TSC22D2: variants seen among roughly 807,000 people sequenced by gnomAD.
TSC22D2 encodes the protein TSC22 domain family protein 2.
In TSC22D2, 5 loss-of-function variants were observed where a neutral mutation model predicts 50.1. That is an observed-to-expected ratio of 0.10 (90% confidence interval 0.05 to 0.21). TSC22D2 has a LOEUF of 0.21. TSC22D2 is among the 10% of genes least tolerant of loss of function. The pLI is 1.00. For missense variants in TSC22D2, 1,003 were observed against 1,015.5 expected, an observed-to-expected ratio of 0.99 and a Z score of 0.17; for synonymous variants, 501 against 450.1, an observed-to-expected ratio of 1.11 and a Z score of -1.43.
At chr3:150,452,893 AAGAATGATTCATAGT>A (rs1450638197) in intron 1 of TSC22D2, among the ~76,000 whole-genome samples, 5 of 152,218 alleles carry the variant, frequency 3.3e-5, no homozygotes, top group Non-Finnish European at 5.9e-5. Context: ...TTTTTATTCT[AAGAATGATTCATAGT>A]AAATAGAAAG....
At chr3:150,435,513 A>G (rs1002589165) in intron 1 of TSC22D2, among the ~76,000 whole-genome samples, 1 of 152,190 alleles carries the variant, frequency 6.6e-6, no homozygotes. Flanking sequence ...GCATTGGTTT[A>G]TCATGGCTAG....
chr3:150,444,325 T>C (rs1720811151), intron 1 of TSC22D2, among the ~76,000 whole-genome samples: 1 of 152,200 alleles, frequency 6.6e-6, no homozygotes, highest in South Asian at 2.1e-4. Context: ...AATTAGATAA[T>C]ATATTGTAAG....
intron 1 of TSC22D2, among the ~76,000 whole-genome samples, chr3:150,445,051 T>A (rs1024922367): frequency 5.3e-5 from 8 of 152,224 alleles, no homozygotes; most frequent in Middle Eastern, 3.4e-3. Flanking sequence ...TTTGGAAATT[T>A]TTATTTGAAT....
intron 1 of TSC22D2, among the ~76,000 whole-genome samples, chr3:150,434,505 A>G (rs1720475528): frequency 6.6e-6 from 1 of 152,190 alleles, no homozygotes; most frequent in South Asian, 2.1e-4. Flanking sequence ...TTTGAGTATT[A>G]TGTAACTGGC....
At position 150,410,041 on chromosome 3, in the gene TSC22D2, T is replaced by A. The variant is rs764541454; in HGVS notation, c.691T>A (p.Ser231Thr). ...TGGSVVVVVASMQGAHGPESG... is the reference protein window; with the variant it reads ...TGGSVVVVVATMQGAHGPESG... ...AGGGTCGGTGGTGGTAGTAGTGGCC[T>A]CCATGCAGGGGGCGCACGGGCCCGA... The change falls in exon 1 of 3, where the codon TCC becomes ACC. Residue 231 changes from serine to threonine, a missense_variant. This residue lies in a region of TSC22D2 where 696 missense variants were observed against 647.8 expected (regional missense o/e 1.07). Transcript: ENST00000688009. 1.2e-6 allele frequency: 2 copies of A among 1,613,226 alleles called. No individual in the cohort carries two copies. The highest frequency in any genetic ancestry group is 1.1e-5 in the South Asian group (1 of 91,072).
intron 1 of TSC22D2, among the ~76,000 whole-genome samples, chr3:150,415,692 A>T (rs1323697179): frequency 1.3e-5 from 2 of 152,116 alleles, no homozygotes; most frequent in Non-Finnish European, 1.5e-5. Flanking sequence ...GCCAACACCT[A>T]TAGTCTTAGC....
At chr3:150,456,732 A>G (rs1356803445) in intron 1 of TSC22D2, among the ~76,000 whole-genome samples, 3 of 152,232 alleles carry the variant, frequency 2.0e-5, no homozygotes, top group Non-Finnish European at 4.4e-5. Context: ...GTAGAAATTT[A>G]AGAGATACGG....
At chr3:150,441,436 G>A (rs931463442) in intron 1 of TSC22D2, among the ~76,000 whole-genome samples, 1 of 152,052 alleles carries the variant, frequency 6.6e-6, no homozygotes, top group Admixed American at 6.6e-5. Context: ...CAGACCATTT[G>A]GCAGGCTTTC....
intron 1 of TSC22D2, among the ~76,000 whole-genome samples, chr3:150,453,199 G>T (rs982045915): frequency 1.3e-5 from 2 of 152,140 alleles, no homozygotes; most frequent in Non-Finnish European, 2.9e-5. Flanking sequence ...TTGGAAACTG[G>T]TTAAACCATC....
rs894374762 is a variant in TSC22D2, at chr3:150,434,024, G to A, written c.1958+22716G>A. On this transcript the variant is annotated intron_variant, in intron 1 of 2. Coordinates refer to ENST00000688009, the MANE Select transcript of TSC22D2 (RefSeq NM_001303264.2). ...CACGAGGTAGAGGTTGCAGGGAGCC[G>A]AGATTGCACCACTGCGCTCCAGGGC... Among the ~76,000 whole-genome samples, 6 of 152,212 alleles carry A rather than the reference G, an allele frequency of 3.9e-5. No homozygotes were observed. In the East Asian group the frequency reaches 1.2e-3, roughly 29 times the overall value.
At chr3:150,415,422 A>G (rs1719764322) in intron 1 of TSC22D2, among the ~76,000 whole-genome samples, 2 of 152,212 alleles carry the variant, frequency 1.3e-5, no homozygotes, top group Admixed American at 6.5e-5. Context: ...CCTGAACTAA[A>G]TCACCTTTAT....
At chr3:150,451,548 T>G (rs564247825) in intron 1 of TSC22D2, among the ~76,000 whole-genome samples, 1 of 152,358 alleles carries the variant, frequency 6.6e-6, no homozygotes, top group Admixed American at 6.5e-5. Context: ...CACATAATTC[T>G]GGATTTATTT....
intron 1 of TSC22D2, among the ~76,000 whole-genome samples, chr3:150,456,564 A>T (rs554584202): frequency 1.2e-4 from 19 of 152,176 alleles, no homozygotes; most frequent in African/African-American, 3.6e-4. Flanking sequence ...AGTTTTTTTT[A>T]AAAAACTAGA....
intron 1 of TSC22D2, chr3:150,423,580 AAACTTT>A (rs1720083418): frequency 6.6e-6 from 1 of 152,228 alleles, no homozygotes; most frequent in South Asian, 2.1e-4. Flanking sequence ...TTTTGGCAAG[AAACTTT>A]AACTTCAAGT....
intron 1 of TSC22D2, among the ~76,000 whole-genome samples, chr3:150,442,009 A>T (rs375944821): frequency 6.6e-6 from 1 of 152,158 alleles, no homozygotes; most frequent in African/African-American, 2.4e-5. Context: ...TTGCCAGCCT[A>T]TCCATCTCTT....
rs1423059284 is a variant in TSC22D2 at position 150,458,921 on chromosome 3, T to C, written c.*285T>C. 1.0e-5 allele frequency: 3 copies of C among 294,342 alleles called. No individual in the cohort carries two copies. The highest frequency in any genetic ancestry group is 1.9e-5 in the Non-Finnish European group (3 of 158,724). 18.2% of individuals were successfully genotyped at this position (294,342 alleles called of 1,614,324 possible). A position where few individuals can be genotyped will look rare whatever the true frequency, so the allele number is the denominator to read the frequency against. ...ACCTGGTGCGCATGAGTGGGGTCTTTAAGAGTTTTGGTGGCTCTCCCATGT... is the reference window on the plus strand; with the variant it reads ...ACCTGGTGCGCATGAGTGGGGTCTTCAAGAGTTTTGGTGGCTCTCCCATGT... On this transcript the variant is annotated 3_prime_UTR_variant, in exon 3 of 3. Coordinates refer to ENST00000688009, the MANE Select transcript of TSC22D2 (RefSeq NM_001303264.2).
intron 2 of TSC22D2, among the ~76,000 whole-genome samples, 168 bp from the exon 3 acceptor site, chr3:150,458,208 T>G (rs1244370094): frequency 6.6e-6 from 1 of 152,112 alleles, no homozygotes; most frequent in African/African-American, 2.4e-5. Context: ...GGTTGGGAAC[T>G]GGATTTTTTC....
chr3:150,429,750 G>A (rs947922768), intron 1 of TSC22D2, among the ~76,000 whole-genome samples: 1 of 152,090 alleles, frequency 6.6e-6, no homozygotes. Flanking sequence ...TAAAGTATTA[G>A]ATGCCTGGTC....
intron 1 of TSC22D2, among the ~76,000 whole-genome samples, chr3:150,454,219 T>TA (rs1721123616): frequency 6.6e-6 from 1 of 152,140 alleles, no homozygotes; most frequent in Non-Finnish European, 1.5e-5. Context: ...AGGTCTAAGA[T>TA]AGCCAGATGA....
Sources: gnomAD v4.1 joint callset for allele counts (sites outside exome capture counted in the v4.1 genomes callset) on GRCh38, gnomAD v4.1.1 for gene constraint, gnomAD v4.1.1 regional missense constraint, MANE v1.5 for transcripts, NCBI Gene and HGNC (gene_info 2026-07-23, HGNC 2026-07-21) for gene names.